Variants in SLCO2A1 observed in about 807,000 individuals in gnomAD.
SLCO2A1 encodes the protein matrin F/G 1.
SLCO2A1 carries 60 observed loss-of-function variants against 71.7 expected under a neutral mutation model. That is an observed-to-expected ratio of 0.84 (90% CI 0.68 to 1.04). The LOEUF is 1.04. SLCO2A1 is among the 50% of genes least tolerant of loss of function. SLCO2A1 has a pLI of 0.00. For missense variants in SLCO2A1, 745 were observed against 813.4 expected (o/e 0.92, Z 1.02); for synonymous variants, 308 against 326.7 (o/e 0.94, Z 0.62).
At chr3:134,021,305 T>C (rs927245927) in intron 1 of SLCO2A1, among the ~76,000 whole-genome samples, 1 of 152,164 alleles carries the variant, frequency 6.6e-6, no homozygotes, top group Middle Eastern at 3.2e-3. Context: ...AAGGAGACTA[T>C]GGAGTACTGT....
intron 1 of SLCO2A1, among the ~76,000 whole-genome samples, chr3:134,009,383 C>T (rs1200566952): frequency 1.3e-5 from 2 of 152,170 alleles, no homozygotes; most frequent in Non-Finnish European, 2.9e-5. Context: ...CAACTATTTT[C>T]CATAAGACTT....
At chr3:133,941,685 G>A (rs1355914139) in intron 11 of SLCO2A1, among the ~76,000 whole-genome samples, 3 of 151,998 alleles carry the variant, frequency 2.0e-5, no homozygotes, top group East Asian at 3.9e-4. Context: ...GGGACACCCC[G>A]CTCCTCCCCT....
intron 11 of SLCO2A1, among the ~76,000 whole-genome samples, chr3:133,941,608 G>A (rs1172700548): frequency 6.6e-6 from 1 of 152,040 alleles, no homozygotes; most frequent in Non-Finnish European, 1.5e-5. Context: ...TGCAGCCAGT[G>A]AGGTGAAGAG....
intron 1 of SLCO2A1, among the ~76,000 whole-genome samples, chr3:134,019,640 G>T (rs1935528119): frequency 1.3e-5 from 2 of 152,240 alleles, no homozygotes; most frequent in South Asian, 4.1e-4. Context: ...ACCAGCTCTT[G>T]CAGGTAAGGA....
At chr3:133,981,648 C>T (rs912655546) in intron 1 of SLCO2A1, among the ~76,000 whole-genome samples, 2 of 152,160 alleles carry the variant, frequency 1.3e-5, no homozygotes, top group South Asian at 2.1e-4. Flanking sequence ...TGGCTCTGAC[C>T]ATCCTTGTAA....
rs1478404419 is a variant in SLCO2A1, at chr3:133,987,512, C to A, written c.97-7894G>T. 3.3e-5 allele frequency among the ~76,000 whole-genome samples: 5 copies of A among 152,134 alleles called. No homozygotes were observed. The Middle Eastern group carries it at 0.01, about 310-fold the overall frequency. On this transcript the variant is annotated intron_variant, in intron 1 of 13. Transcript: ENST00000310926. ...TACCTATAAACTGGAAGTCCTCCCC[C>A]CACCCCACTTCAAGTTGTCTCGCCT...
intron 12 of SLCO2A1, among the ~76,000 whole-genome samples, chr3:133,937,144 C>T (rs1211958034): frequency 2.0e-5 from 3 of 152,114 alleles, no homozygotes; most frequent in African/African-American, 7.2e-5. Flanking sequence ...TTCAAGGTTG[C>T]TGGAGGAAGC....
At position 133,938,447 on chromosome 3, in the gene SLCO2A1, A is replaced by G. The variant is rs565486627; in HGVS notation, c.1672T>C (p.Leu558=). ...CACTTACCCAGCAAGCGCATCAACA[A>G]GAACTGCACCCCGATGGCAAATGAC... ...EKSFAIGVQF[L]LMRLLAWLPS... is the part of the protein sequence containing the mutation. Residue 558 remains leucine, a synonymous_variant, in exon 12 of 14, where the codon TTG becomes CTG. Transcript: ENST00000310926. 20 of 1,614,134 alleles carry G rather than the reference A, an allele frequency of 1.2e-5. No homozygotes were observed. The African/African-American group carries it at 2.1e-4, about 17-fold the overall frequency.
At chr3:133,943,591 T>C (rs1933489295) in intron 10 of SLCO2A1, among the ~76,000 whole-genome samples, 1 of 152,218 alleles carries the variant, frequency 6.6e-6, no homozygotes, top group African/African-American at 2.4e-5. Flanking sequence ...AGAGATTTTT[T>C]TTCTTTATAA....
chr3:133,980,168 G>A (rs1477254627), intron 1 of SLCO2A1, among the ~76,000 whole-genome samples: 1 of 152,220 alleles, frequency 6.6e-6, no homozygotes, highest in Non-Finnish European at 1.5e-5. Flanking sequence ...AAGGCACCAT[G>A]ATGCAATCCC....
chr3:134,010,393 GGAGA>G (rs370227587), intron 1 of SLCO2A1, among the ~76,000 whole-genome samples: 7 of 151,758 alleles, frequency 4.6e-5, no homozygotes, highest in Non-Finnish European at 8.8e-5. Flanking sequence ...TAAGGCAGCA[GGAGA>G]GAGAGAGAGG....
At chr3:134,001,242 C>T (rs2108069775) in intron 1 of SLCO2A1, among the ~76,000 whole-genome samples, 1 of 152,248 alleles carries the variant, frequency 6.6e-6, no homozygotes, top group Admixed American at 6.5e-5. Context: ...TCCCAAGTAG[C>T]TGGGACTACA....
chr3:133,976,347 T>C (rs992321635), intron 2 of SLCO2A1, among the ~76,000 whole-genome samples: 2 of 152,264 alleles, frequency 1.3e-5, no homozygotes, highest in African/African-American at 4.8e-5. Flanking sequence ...TCAGATCATA[T>C]CAGCTGTGCT....
intron 1 of SLCO2A1, among the ~76,000 whole-genome samples, chr3:133,982,575 T>C (rs1186270337): frequency 6.6e-6 from 1 of 152,152 alleles, no homozygotes. Context: ...TCACTCAGTT[T>C]CCCAAGCCAG....
chr3:133,983,239 G>C (rs1448871522), intron 1 of SLCO2A1, among the ~76,000 whole-genome samples: 1 of 152,110 alleles, frequency 6.6e-6, no homozygotes, highest in African/African-American at 2.4e-5. Flanking sequence ...TACATCATAA[G>C]GAAGCCCAGT....
chr3:133,986,907 C>T (rs781055312), intron 1 of SLCO2A1, among the ~76,000 whole-genome samples: 1 of 152,134 alleles, frequency 6.6e-6, no homozygotes, highest in South Asian at 2.1e-4. Flanking sequence ...AACTAAACAT[C>T]GGAACTACGA....
chr3:133,963,095 C>T (rs1376676373), intron 3 of SLCO2A1, among the ~76,000 whole-genome samples: 2 of 152,182 alleles, frequency 1.3e-5, no homozygotes, highest in African/African-American at 4.8e-5. Context: ...CCTCTTCCCT[C>T]CTCCAGCTCC....
At chr3:133,992,396 C>G (rs1426495580) in intron 1 of SLCO2A1, among the ~76,000 whole-genome samples, 1 of 152,182 alleles carries the variant, frequency 6.6e-6, no homozygotes, top group African/African-American at 2.4e-5. Context: ...AAATTCTTAG[C>G]TCCTAATAAC....
chr3:133,949,205 C>G, intron 6 of SLCO2A1: 2 of 560,270 alleles, frequency 3.6e-6, no homozygotes, highest in Non-Finnish European at 6.4e-6. Flanking sequence ...CCAATGCCTC[C>G]CACGATACCT....
Sources: allele counts gnomAD v4.1 joint callset (sites outside exome capture counted in the v4.1 genomes callset), GRCh38; gene constraint gnomAD v4.1.1; transcripts MANE v1.5; gene names NCBI Gene and HGNC (gene_info 2026-07-23, HGNC 2026-07-21).